The following GREB1 variants were observed in gnomAD, a reference collection of about 807,000 sequenced individuals.
The protein encoded by GREB1 is growth regulating estrogen receptor binding 1, also known as protein GREB1.
In GREB1, 106 loss-of-function variants were observed where a neutral mutation model predicts 200.7. The observed-to-expected ratio is 0.53, with a 90% CI of 0.45 to 0.62. The LOEUF is 0.62. Among genes scored for constraint, GREB1 ranks in the 20% least tolerant of loss-of-function variants. GREB1 has a pLI of 0.00. For missense variants in GREB1, 2,243 were observed against 2,556.8 expected, an observed-to-expected ratio of 0.88 and a Z score of 2.65; for synonymous variants, 1,132 against 1,092.4, an observed-to-expected ratio of 1.04 and a Z score of -0.72.
At chr2:11,537,224 A>G (rs1307064242) in intron 1 of GREB1, among the ~76,000 whole-genome samples, 1 of 152,204 alleles carries the variant, frequency 6.6e-6, no homozygotes, top group African/African-American at 2.4e-5. Context: ...TTGGCTTCCC[A>G]AAGTCCTGGG....
At chr2:11,528,601 A>G (rs1673964112) in intron 1 of GREB1, among the ~76,000 whole-genome samples, 1 of 152,142 alleles carries the variant, frequency 6.6e-6, no homozygotes, top group African/African-American at 2.4e-5. Flanking sequence ...TCCCAGGCTT[A>G]AGCAACCCTC....
chr2:11,558,074 C>T (rs1051022692), intron 2 of GREB1, among the ~76,000 whole-genome samples: 4 of 152,192 alleles, frequency 2.6e-5, no homozygotes, highest in African/African-American at 9.7e-5. Flanking sequence ...TTAAAATCCA[C>T]AAAGTGCTTT....
At chr2:11,499,995 T>G (rs1197206486) in intron 1 of GREB1, among the ~76,000 whole-genome samples, 1 of 152,176 alleles carries the variant, frequency 6.6e-6, no homozygotes, top group Non-Finnish European at 1.5e-5. Context: ...TACTTTTTTT[T>G]TTTTGAGGCG....
At position 11,626,942 on chromosome 2, in the gene GREB1, TC is replaced by T. The variant is rs779812012; in HGVS notation, c.4307-18del. 4.3e-6 allele frequency: 7 copies of T among 1,614,014 alleles called. No individual in the cohort carries two copies. In the East Asian group the frequency reaches 1.3e-4, roughly 31 times the overall value. ...TGCTTTGCTCCCTGCTGCTTTTTAA[TC>T]CTGGGGAATTTGGTGCAGACAGAGG... On this transcript the variant is annotated intron_variant, in intron 24 of 32. Coordinates refer to ENST00000381486, the MANE Select transcript of GREB1 (RefSeq NM_014668.4).
chr2:11,504,937 T>C (rs1049485477), intron 1 of GREB1, among the ~76,000 whole-genome samples: 2 of 152,184 alleles, frequency 1.3e-5, no homozygotes, highest in African/African-American at 4.8e-5. Context: ...TCATTTAATT[T>C]AATTTTATTT....
intron 11 of GREB1, among the ~76,000 whole-genome samples, chr2:11,594,498 G>A (rs951237156): frequency 4.6e-5 from 7 of 151,774 alleles, no homozygotes; most frequent in African/African-American, 1.7e-4. Context: ...GGGACTACAG[G>A]CGTGCACCAC....
At chr2:11,587,360 C>T in intron 9 of GREB1, 1 of 1,576,392 alleles carries the variant, frequency 6.3e-7, no homozygotes, top group Non-Finnish European at 8.7e-7. Flanking sequence ...CAACTCTTTA[C>T]CTTGCCTCTT....
At chr2:11,517,505 G>GAA (rs34525580) in intron 1 of GREB1, 17 of 148,782 alleles carry the variant, frequency 1.1e-4, no homozygotes, top group Middle Eastern at 3.5e-3. Flanking sequence ...CTGTAGACTT[G>GAA]AAAAAAAAAA....
At chr2:11,632,822 C>T (rs1042105391) in intron 27 of GREB1, 67 bp from the exon 28 acceptor site, 5 of 1,445,866 alleles carry the variant, frequency 3.5e-6, no homozygotes, top group Non-Finnish European at 4.8e-6. Context: ...GCAGGTCTGC[C>T]TGGGGTCTGT....
Position 11,596,141 on chromosome 2 carries a change from T to C in GREB1, c.1856T>C (p.Phe619Ser), listed in dbSNP as rs1457786676. ...GACATTGACATTTTGCTGGACAAAT[T>C]TCACCAGGAAAATCAAGGCCATATT... ...EGDIDILLDK[F>S]HQENQGHISS... The change falls in exon 13 of 33, where the codon TTT becomes TCT. Residue 619 changes from phenylalanine to serine, a missense_variant. Coordinates refer to ENST00000381486, the MANE Select transcript of GREB1 (RefSeq NM_014668.4). 3.7e-6 allele frequency: 6 copies of C among 1,613,798 alleles called. No individual in the cohort carries two copies. Among genetic ancestry groups the C allele is most frequent in the Non-Finnish European group, 5.1e-6 (6 of 1,179,728 alleles).
intron 19 of GREB1, among the ~76,000 whole-genome samples, chr2:11,614,083 A>G (rs1037331996): frequency 6.6e-6 from 1 of 151,324 alleles, no homozygotes; most frequent in African/African-American, 2.4e-5. Flanking sequence ...GAATAATTAA[A>G]TGCTCACTGA....
chr2:11,537,652 A>G (rs1485463449), intron 1 of GREB1, among the ~76,000 whole-genome samples: 1 of 146,252 alleles, frequency 6.8e-6, no homozygotes, highest in Non-Finnish European at 1.5e-5. Flanking sequence ...TTTATATATT[A>G]TATAAAAATA....
intron 1 of GREB1, among the ~76,000 whole-genome samples, chr2:11,519,245 G>T (rs549349663): frequency 6.6e-6 from 1 of 151,826 alleles, no homozygotes; most frequent in Non-Finnish European, 1.5e-5. Context: ...GATAGACATC[G>T]TTACCTATAC....
chr2:11,621,164 A>G (rs1387979264), intron 23 of GREB1, among the ~76,000 whole-genome samples, 157 bp downstream of exon 23: 1 of 152,084 alleles, frequency 6.6e-6, no homozygotes, highest in Non-Finnish European at 1.5e-5. Context: ...TCTTGTAGTC[A>G]TTTTTCTCAG....
At chr2:11,568,989 A>G (rs1166789511) in intron 4 of GREB1, among the ~76,000 whole-genome samples, 2 of 152,230 alleles carry the variant, frequency 1.3e-5, no homozygotes, top group African/African-American at 4.8e-5. Context: ...GGCAGGGCTC[A>G]GTGCTTTTTA....
At chr2:11,628,845 G>C (rs866863043) in intron 25 of GREB1, among the ~76,000 whole-genome samples, 38 of 152,144 alleles carry the variant, frequency 2.5e-4, no homozygotes, top group African/African-American at 8.7e-4. Context: ...GTTCTCAGGG[G>C]TGCGCAGGTC....
At chr2:11,565,901 C>T (rs527796934) in intron 3 of GREB1, among the ~76,000 whole-genome samples, 7 of 152,184 alleles carry the variant, frequency 4.6e-5, no homozygotes, top group East Asian at 3.9e-4. Flanking sequence ...TTTATGTTTC[C>T]GTTTGCCGTC....
chr2:11,625,588 A>G (rs967105085), intron 24 of GREB1, among the ~76,000 whole-genome samples: 1 of 152,216 alleles, frequency 6.6e-6, no homozygotes, highest in African/African-American at 2.4e-5. Flanking sequence ...TTAATAGAGG[A>G]TAAAAGACGT....
intron 2 of GREB1, among the ~76,000 whole-genome samples, chr2:11,557,405 G>A (rs1676533527): frequency 1.3e-5 from 2 of 152,228 alleles, no homozygotes; most frequent in Admixed American, 1.3e-4. Flanking sequence ...GTAAGTTGAT[G>A]TCTTTGACTT....
Sources: allele counts gnomAD v4.1 joint callset (sites outside exome capture counted in the v4.1 genomes callset), GRCh38; gene constraint gnomAD v4.1.1; transcripts MANE v1.5; gene names NCBI Gene and HGNC (gene_info 2026-07-23, HGNC 2026-07-21).